The following SYCP1 variants were observed in gnomAD, a reference collection of about 807,000 sequenced individuals.
SYCP1 encodes the protein cancer/testis antigen 8.
A neutral mutation model predicts 153.1 loss-of-function variants in SYCP1; 64 were observed. The ratio of observed to expected loss-of-function variants is 0.42; its 90% CI spans 0.34 to 0.51. The LOEUF (loss-of-function observed/expected upper bound fraction) is 0.51, where lower values mean the gene tolerates loss of function less well. SYCP1 is among the 20% of genes least tolerant of loss of function. SYCP1 has a pLI of 0.06. For synonymous variants in SYCP1, 384 were observed against 341.8 expected, an observed-to-expected ratio of 1.12 and a Z score of -1.36; for missense variants, 997 against 1,049.0, an observed-to-expected ratio of 0.95 and a Z score of 0.68.
Position 114,995,135 on chromosome 1 carries a change from C to T in SYCP1, c.*116C>T. The T allele has an allele frequency of 9.9e-7, 1 of 1,007,502 alleles. No homozygotes were observed. Among genetic ancestry groups the T allele is most frequent in the Non-Finnish European group, 1.4e-6 (1 of 722,666 alleles). The allele number at this position is 1,007,502 out of a possible 1,614,324, so 62.4% of individuals were successfully genotyped here. A position where few individuals can be genotyped will look rare whatever the true frequency, so the allele number is the denominator to read the frequency against. ...GAAGTTGAGACTTAAAAAATACTTGCATGAATGATTTGTGTTTCTTTATAT... is the reference window on the plus strand; with the variant it reads ...GAAGTTGAGACTTAAAAAATACTTGTATGAATGATTTGTGTTTCTTTATAT... On this transcript the variant is annotated 3_prime_UTR_variant, in exon 32 of 32. Coordinates refer to ENST00000369522, the MANE Select transcript of SYCP1 (RefSeq NM_003176.4).
In SYCP1 at chr1:114,981,388, C is replaced by A; in HGVS notation, c.2435C>A (p.Ser812Tyr). 1 of 1,607,806 alleles carries A rather than the reference C, an allele frequency of 6.2e-7. No individual in the cohort carries two copies. The highest frequency in any genetic ancestry group is 8.5e-7 in the Non-Finnish European group (1 of 1,177,756). The change falls in exon 29 of 32, where the codon TCT becomes TAT. Residue 812 changes from serine to tyrosine, a missense_variant. By Grantham distance (144) the Ser-to-Tyr change is moderately radical (BLOSUM62 -2). This residue lies in a region of SYCP1 where 712 missense variants were observed against 682.9 expected (regional missense o/e 1.04). Transcript: ENST00000369522. ...ETPEIYWKLD[S>Y]KAVPSQTVSR... is the part of the protein sequence containing the mutation. ...CCTGAAATTTATTGGAAATTGGATTCTAAAGCAGTTCCTTCACAAACTGTA... is the reference window on the plus strand; with the variant it reads ...CCTGAAATTTATTGGAAATTGGATTATAAAGCAGTTCCTTCACAAACTGTA...
chr1:114,926,179 C>T, intron 21 of SYCP1, 99 bp from the exon 22 acceptor site: 1 of 880,094 alleles, frequency 1.1e-6, no homozygotes, highest in Non-Finnish European at 1.5e-6. Context: ...TTTGAAGTGA[C>T]CTTTATCAGT....
chr1:114,899,737 T>C (rs533063672), intron 16 of SYCP1, among the ~76,000 whole-genome samples: 18 of 152,210 alleles, frequency 1.2e-4, no homozygotes, highest in Non-Finnish European at 2.2e-4. Flanking sequence ...TGGGAACATA[T>C]ATTAGTATTA....
chr1:114,994,546 T>A (rs1674145603), intron 30 of SYCP1, 152 bp from the exon 31 acceptor site: 1 of 471,212 alleles, frequency 2.1e-6, no homozygotes, highest in East Asian at 3.5e-5. Context: ...TATAATCTTC[T>A]TTCTCTTTCC....
intron 30 of SYCP1, among the ~76,000 whole-genome samples, chr1:114,986,693 G>C (rs979912610): frequency 6.6e-6 from 1 of 151,968 alleles, no homozygotes; most frequent in African/African-American, 2.4e-5. Flanking sequence ...TTAAAAATGG[G>C]TTGTTGAGCA....
chr1:114,916,485 G>T (rs1415219468), intron 20 of SYCP1, among the ~76,000 whole-genome samples: 1 of 151,808 alleles, frequency 6.6e-6, no homozygotes, highest in Non-Finnish European at 1.5e-5. Flanking sequence ...TTGATATTGG[G>T]TATTATTAAT....
intron 3 of SYCP1, 31 bp downstream of exon 3, chr1:114,856,688 T>C (rs760753449): frequency 5.0e-5 from 76 of 1,512,092 alleles, no homozygotes; most frequent in African/African-American, 8.3e-5. Flanking sequence ...TGTATCAGCT[T>C]ATATAGAAAC....
In SYCP1 at chr1:114,923,495, G is replaced by C; in HGVS notation, c.1765G>C (p.Glu589Gln). ...VREELKQKRD[E>Q]VKCKLDKSEE... ...AGAAGAGCTAAAACAGAAAAGAGAT[G>C]AAGTTAAATGTAAATTGGACAAGAG... The change falls in exon 21 of 32, where the codon GAA becomes CAA. Residue 589 changes from glutamate to glutamine, a missense_variant. By Grantham distance (29) the Glu-to-Gln change is conservative (BLOSUM62 2). This residue lies in a region of SYCP1 where 712 missense variants were observed against 682.9 expected (regional missense o/e 1.04). Coordinates refer to ENST00000369522, the MANE Select transcript of SYCP1 (RefSeq NM_003176.4). The C allele has an allele frequency of 6.3e-7, 1 of 1,591,788 alleles. No homozygotes were observed. The highest frequency in any genetic ancestry group is 8.6e-7 in the Non-Finnish European group (1 of 1,166,104).
chr1:114,906,285 T>G (rs1183460284), intron 16 of SYCP1, among the ~76,000 whole-genome samples: 1 of 152,050 alleles, frequency 6.6e-6, no homozygotes, highest in Non-Finnish European at 1.5e-5. Context: ...ATTAGTCTGG[T>G]AGAGGTTTCT....
intron 23 of SYCP1, among the ~76,000 whole-genome samples, chr1:114,937,989 TGATTCCTCAGG>T (rs1670132658): frequency 6.6e-6 from 1 of 152,172 alleles, no homozygotes; most frequent in Non-Finnish European, 1.5e-5. Context: ...GACAGTGTGG[TGATTCCTCAGG>T]GACCTAGAAC....
At chr1:114,938,209 A>G (rs1405168085) in intron 23 of SYCP1, among the ~76,000 whole-genome samples, 9 of 152,204 alleles carry the variant, frequency 5.9e-5, no homozygotes, top group Admixed American at 5.9e-4. Flanking sequence ...ATGGAATACT[A>G]TGCAGCCATA....
At chr1:114,951,329 TAAA>T (rs1344540707) in intron 27 of SYCP1, among the ~76,000 whole-genome samples, 2 of 152,148 alleles carry the variant, frequency 1.3e-5, no homozygotes, top group Non-Finnish European at 2.9e-5. Flanking sequence ...TCAAGAAAGA[TAAA>T]GAAAGAATAC....
chr1:114,935,014 C>A (rs904955344), intron 23 of SYCP1, among the ~76,000 whole-genome samples: 11 of 152,130 alleles, frequency 7.2e-5, no homozygotes, highest in Admixed American at 7.2e-4. Context: ...AGAAAGTTAA[C>A]AAGGATATCC....
chr1:114,944,828 G>A lies in SYCP1; in HGVS notation c.2044-44G>A, dbSNP rs1227480279. The A allele has an allele frequency of 3.0e-6, 4 of 1,333,930 alleles. No homozygotes were observed. In the East Asian group the frequency reaches 7.3e-5, roughly 24 times the overall value. 82.6% of individuals were successfully genotyped at this position (1,333,930 alleles called of 1,614,324 possible). The stretch of plus-strand genomic sequence containing the variant: ...TACTTTTTACACTTGTTTGTTTTTT[G>A]TGCATTTATTTTAAGAAACTTTTTT... On this transcript the variant is annotated intron_variant, in intron 24 of 31. Coordinates refer to ENST00000369522, the MANE Select transcript of SYCP1 (RefSeq NM_003176.4).
chr1:114,934,924 A>G (rs895962533), intron 23 of SYCP1, among the ~76,000 whole-genome samples: 4 of 152,232 alleles, frequency 2.6e-5, no homozygotes, highest in Non-Finnish European at 4.4e-5. Flanking sequence ...TTAGAGACCT[A>G]GAAAGGTACT....
At chr1:114,971,370 C>T (rs371621956) in intron 27 of SYCP1, among the ~76,000 whole-genome samples, 25 of 152,118 alleles carry the variant, frequency 1.6e-4, no homozygotes, top group Non-Finnish European at 3.2e-4. Context: ...TTGTACAGTT[C>T]GCCAGGGAAG....
At chr1:114,863,247 C>T (rs1287018466) in intron 8 of SYCP1, 1 of 150,922 alleles carries the variant, frequency 6.6e-6, no homozygotes, top group Non-Finnish European at 1.5e-5. Flanking sequence ...ATTTACACTC[C>T]CACCAATAGT....
intron 12 of SYCP1, among the ~76,000 whole-genome samples, chr1:114,881,199 T>A (rs147744098): frequency 1.2e-4 from 19 of 152,322 alleles, no homozygotes; most frequent in African/African-American, 4.6e-4. Flanking sequence ...GGAACATTAT[T>A]ATTACTGTTT....
intron 27 of SYCP1, among the ~76,000 whole-genome samples, chr1:114,966,415 T>C (rs1306051637): frequency 1.3e-5 from 2 of 152,180 alleles, no homozygotes; most frequent in African/African-American, 4.8e-5. Context: ...TTTTCTTCTC[T>C]AGTTCTTTTA....
Sources: gnomAD v4.1 joint callset for allele counts (sites outside exome capture counted in the v4.1 genomes callset) on GRCh38, gnomAD v4.1.1 for gene constraint, gnomAD v4.1.1 regional missense constraint, MANE v1.5 for transcripts, NCBI Gene and HGNC (gene_info 2026-07-23, HGNC 2026-07-21) for gene names.